CCDC178: variants seen among roughly 807,000 people sequenced by gnomAD.
CCDC178 encodes the protein coiled-coil domain-containing protein 178.
CCDC178 carries 126 observed loss-of-function variants against 117.4 expected under a neutral mutation model. The observed-to-expected ratio is 1.07, with a 90% confidence interval of 0.93 to 1.24. The LOEUF is 1.24. Ranked by LOEUF, CCDC178 falls within the 50% of genes most tolerant of loss-of-function variation. CCDC178 has a pLI of 0.00. For missense variants in CCDC178, 1,030 were observed against 986.9 expected, an observed-to-expected ratio of 1.04 and a Z score of -0.59; for synonymous variants, 283 against 313.4, an observed-to-expected ratio of 0.90 and a Z score of 1.02.
intron 21 of CCDC178, among the ~76,000 whole-genome samples, chr18:33,091,324 C>CTT (rs746505005): frequency 0.013 from 551 of 43,810 alleles, 140 homozygotes; most frequent in African/African-American, 0.043. Flanking sequence ...TTATTTCATT[C>CTT]TTTTTTTTTT....
At chr18:32,969,416 G>A (rs915394964) in intron 22 of CCDC178, among the ~76,000 whole-genome samples, 1 of 151,934 alleles carries the variant, frequency 6.6e-6, no homozygotes, top group Non-Finnish European at 1.5e-5. Context: ...AGAAGTGCAC[G>A]CTTGGACAGA....
chr18:33,023,602 G>A (rs1056695051), intron 21 of CCDC178, among the ~76,000 whole-genome samples: 1 of 152,038 alleles, frequency 6.6e-6, no homozygotes, highest in African/African-American at 2.4e-5. Flanking sequence ...ATAGCACTAG[G>A]TGCATATATT....
intron 11 of CCDC178, among the ~76,000 whole-genome samples, chr18:33,318,999 A>C (rs2062461988): frequency 6.6e-6 from 1 of 152,126 alleles, no homozygotes; most frequent in Admixed American, 6.5e-5. Context: ...GGTTATGCTA[A>C]AGGATCTACT....
chr18:33,167,316 T>C (rs980489579), intron 20 of CCDC178, among the ~76,000 whole-genome samples: 3 of 152,164 alleles, frequency 2.0e-5, no homozygotes, highest in Admixed American at 6.6e-5. Context: ...ATGGTAATTC[T>C]ATTTTAAGTT....
chr18:33,388,970 A>C (rs953452187), intron 5 of CCDC178, among the ~76,000 whole-genome samples: 1 of 152,056 alleles, frequency 6.6e-6, no homozygotes, highest in East Asian at 1.9e-4. Flanking sequence ...GGGGAAGAGC[A>C]CTTACTGGGG....
chr18:33,102,097 A>G (rs2057636524), intron 20 of CCDC178, among the ~76,000 whole-genome samples: 1 of 151,890 alleles, frequency 6.6e-6, no homozygotes, highest in East Asian at 1.9e-4. Context: ...TGTCATTTCT[A>G]TACTCCAGAG....
intron 20 of CCDC178, among the ~76,000 whole-genome samples, chr18:33,179,078 A>AAATATATATATAT (rs71159804): frequency 3.8e-4 from 21 of 55,810 alleles, no homozygotes; most frequent in Admixed American, 5.1e-4. Flanking sequence ...AAAAAAAAAA[A>AAATATATATATAT]ATATATATAT....
At chr18:33,222,257 T>G (rs548641060) in intron 18 of CCDC178, among the ~76,000 whole-genome samples, 1 of 147,736 alleles carries the variant, frequency 6.8e-6, no homozygotes, top group East Asian at 2.1e-4. Flanking sequence ...CCCTCCCTCC[T>G]TTCCTGCCTC....
rs1164284077 is a variant in CCDC178, at chr18:33,020,158, C to T, written c.2389-45477G>A. On this transcript the variant is annotated intron_variant, in intron 21 of 22. Transcript: ENST00000383096. ...TATTTTTAGTAGAGATGGGGTTTCA[C>T]CATCTTGGCCAGGCTGGTCTCAAAC... is the stretch of plus-strand genomic sequence containing the variant. Among the ~76,000 whole-genome samples, 3 of 148,488 alleles carry T rather than the reference C, an allele frequency of 2.0e-5. No homozygotes were observed. The Admixed American group carries it at 2.0e-4, about 10-fold the overall frequency.
intron 2 of CCDC178, among the ~76,000 whole-genome samples, chr18:33,413,756 G>A (rs2063891905): frequency 6.6e-6 from 1 of 152,112 alleles, no homozygotes; most frequent in African/African-American, 2.4e-5. Flanking sequence ...ACTTGTGAGG[G>A]CCACACAAAA....
chr18:33,149,634 G>T (rs2058316934), intron 20 of CCDC178, among the ~76,000 whole-genome samples: 1 of 152,144 alleles, frequency 6.6e-6, no homozygotes, highest in Non-Finnish European at 1.5e-5. Flanking sequence ...AGGGCCATAT[G>T]CTGTATAATG....
chr18:33,022,759 A>G (rs1455833460), intron 21 of CCDC178, among the ~76,000 whole-genome samples: 1 of 152,186 alleles, frequency 6.6e-6, no homozygotes, highest in Non-Finnish European at 1.5e-5. Context: ...TTAAATGTAG[A>G]TAGTCTAAGT....
intron 2 of CCDC178, among the ~76,000 whole-genome samples, chr18:33,431,160 A>G (rs565314047): frequency 6.7e-6 from 1 of 149,834 alleles, no homozygotes; most frequent in African/African-American, 2.4e-5. Flanking sequence ...AAAAGAATGA[A>G]GTCTACATAA....
chr18:32,985,853 T>C (rs1181657660), intron 21 of CCDC178, among the ~76,000 whole-genome samples: 1 of 152,074 alleles, frequency 6.6e-6, no homozygotes, highest in East Asian at 1.9e-4. Context: ...TAGGTATTAC[T>C]GGGCTATGTG....
intron 10 of CCDC178, among the ~76,000 whole-genome samples, chr18:33,326,989 G>C (rs1011851629): frequency 1.3e-5 from 2 of 152,198 alleles, no homozygotes; most frequent in South Asian, 4.1e-4. Context: ...GTAAGCAACT[G>C]GGTAACTTCA....
In CCDC178 at chr18:33,119,505, C is replaced by G. The variant is rs571238176; in HGVS notation, c.2239-26595G>C. ...GTGAGATACCATCTCACGTCAGTTA[C>G]AATGGCGATCATTAAAAAGTCAGGA... is the stretch of plus-strand genomic sequence containing the variant. On this transcript the variant is annotated intron_variant, in intron 20 of 22. Coordinates refer to ENST00000383096, the MANE Select transcript of CCDC178 (RefSeq NM_001105528.4). Among the ~76,000 whole-genome samples the G allele has an allele frequency of 5.2e-3, 796 of 151,910 alleles. 3 individuals are homozygous for G. The highest frequency in any genetic ancestry group is 0.014 in the Middle Eastern group (4 of 294).
chr18:33,246,046 C>G (rs2059545413), intron 14 of CCDC178, among the ~76,000 whole-genome samples: 1 of 151,952 alleles, frequency 6.6e-6, no homozygotes. Context: ...AGCAATGGTT[C>G]TCAACACTAA....
At chr18:33,127,358 AT>A (rs2058019670) in intron 20 of CCDC178, among the ~76,000 whole-genome samples, 1 of 152,108 alleles carries the variant, frequency 6.6e-6, no homozygotes, top group South Asian at 2.1e-4. Flanking sequence ...TTCAGACTAC[AT>A]TTCTAGATTT....
At position 33,323,561 on chromosome 18, in the gene CCDC178, T is replaced by C; in HGVS notation, c.952A>G (p.Lys318Glu). 6.3e-7 allele frequency: 1 copy of C among 1,577,102 alleles called. No individual in the cohort carries two copies. The highest frequency in any genetic ancestry group is 1.2e-5 in the South Asian group (1 of 84,826). ...ALEACENARL[K>E]AQQIKEEIDK... ...ATCTCTTCTTTAATTTGCTGAGCCT[T>C]CAATCTGGCATTTTCACAGGCTTCT... is the stretch of plus-strand genomic sequence containing the variant. The change falls in exon 11 of 23, where the codon AAG becomes GAG. Residue 318 changes from lysine to glutamate, a missense_variant. By Grantham distance (56) the Lys-to-Glu change is moderately conservative. Coordinates refer to ENST00000383096, the MANE Select transcript of CCDC178 (RefSeq NM_001105528.4).
Sources: gnomAD v4.1 joint callset for allele counts (sites outside exome capture counted in the v4.1 genomes callset) on GRCh38, gnomAD v4.1.1 for gene constraint, MANE v1.5 for transcripts, NCBI Gene and HGNC (gene_info 2026-07-23, HGNC 2026-07-21) for gene names.